Variants in ZNF480 observed in about 807,000 individuals in gnomAD.
The protein encoded by ZNF480 is zinc finger protein 480.
ZNF480 carries 15 observed loss-of-function variants against 14.4 expected under a neutral mutation model. The ratio of observed to expected loss-of-function variants is 1.04; its 90% CI spans 0.70 to 1.60. ZNF480 has a LOEUF of 1.60. Among genes scored for constraint, ZNF480 ranks in the 40% most tolerant of loss-of-function variants. ZNF480 has a pLI of 0.00. For missense variants in ZNF480, 593 were observed against 629.7 expected, an observed-to-expected ratio of 0.94 and a Z score of 0.62; for synonymous variants, 218 against 215.5, an observed-to-expected ratio of 1.01 and a Z score of -0.10.
chr19:52,309,079 C>G (rs760852017), intron 2 of ZNF480, among the ~76,000 whole-genome samples: 1 of 152,138 alleles, frequency 6.6e-6, no homozygotes, highest in Admixed American at 6.5e-5. Flanking sequence ...TATATGTATA[C>G]AGCATTGTGG....
At chr19:52,306,858 A>T (rs1335598459) in intron 2 of ZNF480, among the ~76,000 whole-genome samples, 1 of 152,132 alleles carries the variant, frequency 6.6e-6, no homozygotes, top group Non-Finnish European at 1.5e-5. Flanking sequence ...TCGAACAGTC[A>T]CTAGGGCAAC....
chr19:52,304,670 A>G (rs1275177434), intron 2 of ZNF480, among the ~76,000 whole-genome samples: 2 of 151,782 alleles, frequency 1.3e-5, no homozygotes, highest in Non-Finnish European at 2.9e-5. Flanking sequence ...TTTTTTTCTA[A>G]TCCCATGCCA....
chr19:52,299,130 C>G (rs1982561041), intron 1 of ZNF480, among the ~76,000 whole-genome samples: 1 of 152,188 alleles, frequency 6.6e-6, no homozygotes, highest in Non-Finnish European at 1.5e-5. Flanking sequence ...AGGTCAGTGA[C>G]TTGAGTCATT....
rs561120921 is a variant in ZNF480 at position 52,322,799 on chromosome 19, G to A, written c.1549G>A (p.Gly517Ser). The A allele has an allele frequency of 1.2e-6, 2 of 1,611,282 alleles. No homozygotes were observed. Among genetic ancestry groups the A allele is most frequent in the Admixed American group, 3.3e-5 (2 of 59,900 alleles). ...GEKPYKCNEC[G>S]KAFSRISYLA... The stretch of plus-strand genomic sequence containing the variant: ...GAAACCTTACAAATGTAATGAGTGT[G>A]GCAAGGCCTTTAGTCGCATTTCATA... The change falls in exon 5 of 5, where the codon GGC becomes AGC. Residue 517 changes from glycine (G) to serine (S), a missense_variant. Physicochemically the swap from Gly to Ser is moderately conservative, Grantham distance 56. Coordinates refer to ENST00000595962, the MANE Select transcript of ZNF480 (RefSeq NM_144684.4).
chr19:52,322,998 C>G lies in ZNF480; in HGVS notation c.*140C>G. 3.1e-6 allele frequency: 2 copies of G among 635,444 alleles called. No homozygotes were observed. Among genetic ancestry groups the G allele is most frequent in the Non-Finnish European group, 4.9e-6 (2 of 407,726 alleles). 39.4% of individuals were successfully genotyped at this position (635,444 alleles called of 1,614,324 possible). A position where few individuals can be genotyped will look rare whatever the true frequency, so the allele number is the denominator to read the frequency against. On this transcript the variant is annotated 3_prime_UTR_variant, in exon 5 of 5. Coordinates refer to ENST00000595962, the MANE Select transcript of ZNF480 (RefSeq NM_144684.4). The stretch of plus-strand genomic sequence containing the variant: ...CTTCAAACACAAGTTTTTCTAATAA[C>G]TCATTAGAGAATTTATACTGGAGAG...
Position 52,314,140 on chromosome 19 carries a change from G to T in ZNF480, c.73-13G>T. On this transcript the variant is annotated splice_polypyrimidine_tract_variant and intron_variant, in intron 2 of 4. Transcript: ENST00000595962. Reference sequence around the variant, plus strand: ...TTACATATCCTGTTGGTGAAATGTGGTTTTCATTTTAGGGACACTTAACAT... The same window carrying T: ...TTACATATCCTGTTGGTGAAATGTGTTTTTCATTTTAGGGACACTTAACAT... 1 of 1,552,944 alleles carries T rather than the reference G, an allele frequency of 6.4e-7. No individual in the cohort carries two copies. Among genetic ancestry groups the T allele is most frequent in the Non-Finnish European group, 8.8e-7 (1 of 1,141,926 alleles).
chr19:52,312,352 G>A (rs1031632840), intron 2 of ZNF480, among the ~76,000 whole-genome samples: 2 of 151,888 alleles, frequency 1.3e-5, no homozygotes. Flanking sequence ...AGTAGAGACT[G>A]GGCTTCACCA....
chr19:52,302,718 C>T (rs955715950), intron 2 of ZNF480, among the ~76,000 whole-genome samples: 19 of 152,168 alleles, frequency 1.2e-4, no homozygotes, highest in Admixed American at 9.2e-4. Context: ...TTCCAATCCT[C>T]GAGGATTAAC....
intron 4 of ZNF480, 30 bp from the exon 5 acceptor site, chr19:52,321,538 AATTATGGGGTC>A: frequency 6.6e-7 from 1 of 1,505,892 alleles, no homozygotes; most frequent in Middle Eastern, 1.8e-4. Flanking sequence ...AACATGCCAG[AATTATGGGGTC>A]TGAATTTTAC....
chr19:52,317,443 T>A (rs941988851), intron 4 of ZNF480: 1 of 152,210 alleles, frequency 6.6e-6, no homozygotes, highest in Non-Finnish European at 1.5e-5. Context: ...CAATCTCGGC[T>A]AACTGCAACC....
At chr19:52,314,905 A>G (rs1337860131) in intron 3 of ZNF480, among the ~76,000 whole-genome samples, 4 of 152,106 alleles carry the variant, frequency 2.6e-5, no homozygotes, top group African/African-American at 9.7e-5. Flanking sequence ...CTTTTTCTTC[A>G]GATGTTCTGT....
intron 2 of ZNF480, among the ~76,000 whole-genome samples, chr19:52,311,873 A>G (rs1394730271): frequency 6.6e-6 from 1 of 152,150 alleles, no homozygotes; most frequent in Non-Finnish European, 1.5e-5. Flanking sequence ...GACAACTCCT[A>G]TTTCAGTTGA....
chr19:52,309,073 T>C (rs904605885), intron 2 of ZNF480, among the ~76,000 whole-genome samples: 1 of 152,200 alleles, frequency 6.6e-6, no homozygotes, highest in African/African-American at 2.4e-5. Flanking sequence ...TAGAATTATA[T>C]GTATACAGCA....
intron 2 of ZNF480, among the ~76,000 whole-genome samples, chr19:52,309,863 T>C (rs1458173000): frequency 6.6e-6 from 1 of 152,214 alleles, no homozygotes; most frequent in Non-Finnish European, 1.5e-5. Context: ...CTTGCTGACA[T>C]TACTCTTTTA....
chr19:52,318,782 T>TTTGGTCTTG (rs1983672389), intron 4 of ZNF480, among the ~76,000 whole-genome samples: 1 of 152,200 alleles, frequency 6.6e-6, no homozygotes, highest in Non-Finnish European at 1.5e-5. Flanking sequence ...CTTTCCTTGT[T>TTTGGTCTTG]ACATGGTCTT....
intron 2 of ZNF480, 111 bp from the exon 3 acceptor site, chr19:52,314,042 T>C: frequency 8.3e-7 from 1 of 1,208,332 alleles, no homozygotes; most frequent in Non-Finnish European, 1.1e-6. Flanking sequence ...TAATGGGGAT[T>C]CGTCAGAACA....
In ZNF480 at chr19:52,322,663, C is replaced by G. The variant is rs1406553204; in HGVS notation, c.1413C>G (p.Thr471=). ...GKAFRHKLSL[T]NHQRIHTGER... is the part of the protein sequence containing the mutation. ...CATTCAGACACAAGTTATCACTAACCAATCATCAGAGAATCCATACTGGAG... is the reference window on the plus strand; with the variant it reads ...CATTCAGACACAAGTTATCACTAACGAATCATCAGAGAATCCATACTGGAG... The change falls in exon 5 of 5, where the codon ACC becomes ACG. Residue 471 remains threonine, a synonymous_variant. Coordinates refer to ENST00000595962, the MANE Select transcript of ZNF480 (RefSeq NM_144684.4). 1 of 1,612,556 alleles carries G rather than the reference C, an allele frequency of 6.2e-7. No homozygotes were observed. The highest frequency in any genetic ancestry group is 1.3e-5 in the African/African-American group (1 of 74,662).
intron 1 of ZNF480, among the ~76,000 whole-genome samples, chr19:52,298,311 A>G (rs1383362024): frequency 6.6e-6 from 1 of 151,966 alleles, no homozygotes; most frequent in Non-Finnish European, 1.5e-5. Context: ...GGGATTTAAC[A>G]GAGAGAGCAG....
At chr19:52,303,364 G>C (rs1446890504) in intron 2 of ZNF480, among the ~76,000 whole-genome samples, 1 of 152,200 alleles carries the variant, frequency 6.6e-6, no homozygotes, top group East Asian at 1.9e-4. Flanking sequence ...AATCAGCTAA[G>C]TGGTTTTGCT....
Sources: allele counts gnomAD v4.1 joint callset (sites outside exome capture counted in the v4.1 genomes callset), GRCh38; gene constraint gnomAD v4.1.1; transcripts MANE v1.5; gene names NCBI Gene and HGNC (gene_info 2026-07-23, HGNC 2026-07-21).